PLXNA2: variants seen among roughly 807,000 people sequenced by gnomAD.
The protein encoded by PLXNA2 is plexin-A2.
A neutral mutation model predicts 193.5 loss-of-function variants in PLXNA2; 91 were observed. The ratio of observed to expected loss-of-function variants is 0.47; its 90% confidence interval spans 0.40 to 0.56. The LOEUF (loss-of-function observed/expected upper bound fraction) is 0.56. Among genes scored for constraint, PLXNA2 ranks in the 20% least tolerant of loss-of-function variants. PLXNA2 has a pLI of 0.00. For synonymous variants in PLXNA2, 997 were observed against 1,027.3 expected, an observed-to-expected ratio of 0.97 and a Z score of 0.56; for missense variants, 1,995 against 2,503.2, an observed-to-expected ratio of 0.80 and a Z score of 4.33.
chr1:208,142,044 A>G (rs960564373), intron 4 of PLXNA2, among the ~76,000 whole-genome samples: 1 of 152,190 alleles, frequency 6.6e-6, no homozygotes, highest in African/African-American at 2.4e-5. Context: ...CTACCTCCTA[A>G]TCACACCAAG....
chr1:208,105,069 G>C lies in PLXNA2; in HGVS notation c.1507-1822C>G, dbSNP rs544039238. Reference sequence around the variant, plus strand: ...AATAGACACACAGCATCAGGGTCGAGAGAAGCCACCCCCCACTGTGGAGTC... The same window carrying C: ...AATAGACACACAGCATCAGGGTCGACAGAAGCCACCCCCCACTGTGGAGTC... On this transcript the variant is annotated intron_variant, in intron 4 of 31. Transcript: ENST00000367033. 4.7e-4 allele frequency among the ~76,000 whole-genome samples: 71 copies of C among 152,314 alleles called. 1 individual carries two copies. The highest frequency in any genetic ancestry group is 1.6e-3 in the African/African-American group (68 of 41,562).
At position 208,168,723 on chromosome 1, in the gene PLXNA2, G is replaced by GTTTTTTTTTTTTTTTTTT. The variant is rs751893998; in HGVS notation, c.1372-26261_1372-26260insAAAAAAAAAAAAAAAAAA. ...CAAAAAGAAGACAAAGAGTATGCGG[G>GTTTTTTTTTTTTTTTTTT]GTTTTTTTTTTTTTTTTTTTTTTTT... On this transcript the variant is annotated intron_variant, in intron 3 of 31. Coordinates refer to ENST00000367033, the MANE Select transcript of PLXNA2 (RefSeq NM_025179.4). Among the ~76,000 whole-genome samples the GTTTTTTTTTTTTTTTTTT allele has an allele frequency of 1.7e-3, 177 of 102,204 alleles. 34 individuals carry two copies. The highest frequency in any genetic ancestry group is 4.4e-3 in the East Asian group (11 of 2,478). The allele number at this position is 102,204 out of a possible 152,430, so 67.0% of individuals were successfully genotyped here.
chr1:208,041,911 T>C (rs1295844711), intron 22 of PLXNA2, among the ~76,000 whole-genome samples, 187 bp downstream of exon 22: 2 of 152,222 alleles, frequency 1.3e-5, no homozygotes, highest in African/African-American at 2.4e-5. Context: ...TCAGACTCTG[T>C]AGTCTCCCTG....
In PLXNA2 at chr1:208,217,459, T is replaced by C; in HGVS notation, c.464A>G (p.Lys155Arg). The C allele has an allele frequency of 6.2e-7, 1 of 1,614,186 alleles. No individual in the cohort carries two copies. Among genetic ancestry groups the C allele is most frequent in the Non-Finnish European group, 8.5e-7 (1 of 1,180,042 alleles). Residue 155 changes from lysine to arginine, a missense_variant, in exon 2 of 32, where the codon AAG becomes AGG. Transcript: ENST00000367033. This position sits in a 1 kb window ranked among gnomAD's most constrained non-coding sequence, Gnocchi z 4.7. ...LFILVEPSHK[K>R]EHYLSSVNKT... is the part of the protein sequence containing the mutation. The stretch of plus-strand genomic sequence containing the variant: ...GTTGACACTGGACAGGTAGTGCTCC[T>C]TCTTGTGGGATGGCTCCACCAGGAT...
Position 208,079,456 on chromosome 1 carries a change from A to G in PLXNA2, c.2396-6T>C, listed in dbSNP as rs376616578. On this transcript the variant is annotated splice_polypyrimidine_tract_variant and splice_region_variant and intron_variant, in intron 11 of 31. Coordinates refer to ENST00000367033, the MANE Select transcript of PLXNA2 (RefSeq NM_025179.4). ...TGCACACTTGTAGAGATGGACTGCA[A>G]AGAGAGCAGGTGGTCACAGATGAAA... 2 of 1,567,398 alleles carry G rather than the reference A, an allele frequency of 1.3e-6. No individual in the cohort carries two copies. Among genetic ancestry groups the G allele is most frequent in the African/African-American group, 2.7e-5 (2 of 74,048 alleles).
At chr1:208,233,272 C>T (rs1415024255) in intron 1 of PLXNA2, among the ~76,000 whole-genome samples, 1 of 152,230 alleles carries the variant, frequency 6.6e-6, no homozygotes, top group Non-Finnish European at 1.5e-5. Context: ...TCTATAAACA[C>T]TCGTTCAGTC....
intron 3 of PLXNA2, among the ~76,000 whole-genome samples, chr1:208,192,620 C>T (rs1426607900): frequency 6.6e-6 from 1 of 152,148 alleles, no homozygotes; most frequent in Non-Finnish European, 1.5e-5. Context: ...GGTGCAGTGG[C>T]TCATGCCTGT....
chr1:208,129,946 C>T (rs375822570), intron 4 of PLXNA2, among the ~76,000 whole-genome samples: 2 of 152,210 alleles, frequency 1.3e-5, no homozygotes, highest in Non-Finnish European at 2.9e-5. Context: ...TGCATCTCTG[C>T]CCACCTCTTT....
intron 29 of PLXNA2, chr1:208,031,098 G>A (rs1664488216): frequency 8.0e-6 from 8 of 996,344 alleles, no homozygotes; most frequent in Admixed American, 5.3e-5. Flanking sequence ...TATAGCAGGT[G>A]TGAACTCCCT....
intron 1 of PLXNA2, among the ~76,000 whole-genome samples, chr1:208,235,885 A>G (rs941802146): frequency 6.6e-6 from 1 of 152,074 alleles, no homozygotes; most frequent in African/African-American, 2.4e-5. Flanking sequence ...GGGGCGGTAG[A>G]CTCAAATTTT....
chr1:208,203,279 G>A (rs994581170), intron 3 of PLXNA2, among the ~76,000 whole-genome samples: 2 of 152,196 alleles, frequency 1.3e-5, no homozygotes, highest in African/African-American at 4.8e-5. Context: ...GGATGTGGTG[G>A]TGAGCTCCCT....
chr1:208,061,465 C>T (rs981995009), intron 12 of PLXNA2, among the ~76,000 whole-genome samples: 1 of 152,076 alleles, frequency 6.6e-6, no homozygotes, highest in Non-Finnish European at 1.5e-5. Context: ...ATAAGAGATA[C>T]AGAGGGAAAG....
chr1:208,082,727 C>T lies in PLXNA2; in HGVS notation c.2299-219G>A, dbSNP rs1314013565. The stretch of plus-strand genomic sequence containing the variant: ...ACTCCTCCAGCTTTCTCCTCCACTG[C>T]TCTCCCGTGGAAAGCTTTGAATCTA... On this transcript the variant is annotated intron_variant, in intron 10 of 31. Transcript: ENST00000367033. This position sits in a 1 kb window ranked among gnomAD's most constrained non-coding sequence, Gnocchi z 4.2. 1.3e-5 allele frequency among the ~76,000 whole-genome samples: 2 copies of T among 152,204 alleles called. No individual in the cohort carries two copies. The highest frequency in any genetic ancestry group is 2.9e-5 in the Non-Finnish European group (2 of 68,026).
intron 4 of PLXNA2, among the ~76,000 whole-genome samples, chr1:208,118,518 T>A (rs10779471): frequency 0.31 from 47,046 of 152,114 alleles, 7,934 homozygotes; most frequent in East Asian, 0.55. Context: ...TGCTTCTGCC[T>A]CCCCCACCCC....
chr1:208,113,961 A>G (rs558223344), intron 4 of PLXNA2, among the ~76,000 whole-genome samples: 1 of 152,328 alleles, frequency 6.6e-6, no homozygotes, highest in African/African-American at 2.4e-5. Context: ...GAAGCTGGTC[A>G]GACAGCTCGG....
intron 1 of PLXNA2, among the ~76,000 whole-genome samples, chr1:208,235,861 G>C (rs561609837): frequency 6.6e-6 from 1 of 152,260 alleles, no homozygotes; most frequent in African/African-American, 2.4e-5. Context: ...GACCCCCTGT[G>C]GGTCACTCAG....
At chr1:208,206,538 G>A (rs1463992275) in intron 3 of PLXNA2, among the ~76,000 whole-genome samples, 1 of 152,080 alleles carries the variant, frequency 6.6e-6, no homozygotes, top group Non-Finnish European at 1.5e-5. Context: ...TGGCACCCAA[G>A]GTCTAGAATG....
chr1:208,089,334 C>A (rs1363810659), intron 9 of PLXNA2, among the ~76,000 whole-genome samples: 1 of 152,212 alleles, frequency 6.6e-6, no homozygotes, highest in Non-Finnish European at 1.5e-5. Context: ...TGGCTGTGAC[C>A]ATGGAAACAA....
rs145883409 is a variant in PLXNA2, at chr1:208,078,911, C to T, written c.2586+349G>A. ...CACATTTCTGCTGAGAAAAGCTAAACCTGTTTTCTGAAATGTTCACCCACC... is the reference window on the plus strand; with the variant it reads ...CACATTTCTGCTGAGAAAAGCTAAATCTGTTTTCTGAAATGTTCACCCACC... On this transcript the variant is annotated intron_variant, in intron 12 of 31. Coordinates refer to ENST00000367033, the MANE Select transcript of PLXNA2 (RefSeq NM_025179.4). 9.2e-5 allele frequency among the ~76,000 whole-genome samples: 14 copies of T among 152,280 alleles called. No individual in the cohort carries two copies. The East Asian group carries it at 2.5e-3, about 27-fold the overall frequency.
Sources: gnomAD v4.1 joint callset for allele counts (sites outside exome capture counted in the v4.1 genomes callset) on GRCh38, gnomAD v4.1.1 for gene constraint, Gnocchi (gnomAD v3.1) non-coding constraint, MANE v1.5 for transcripts, NCBI Gene and HGNC (gene_info 2026-07-23, HGNC 2026-07-21) for gene names.